The following SNRNP200 variants were observed in gnomAD, a reference collection of about 807,000 sequenced individuals.
SNRNP200 encodes the protein U5 small nuclear ribonucleoprotein 200 kDa helicase.
Under a neutral mutation model 255.2 loss-of-function variants are expected in SNRNP200, and 66 were observed. The observed-to-expected ratio is 0.26, with a 90% CI of 0.21 to 0.32. The LOEUF (loss-of-function observed/expected upper bound fraction) is 0.32, where lower values mean the gene tolerates loss of function less well. SNRNP200 is among the 10% of genes least tolerant of loss of function. The pLI is 1.00. For missense variants in SNRNP200, 1,585 were observed against 2,749.8 expected, an observed-to-expected ratio of 0.58 and a Z score of 9.47; for synonymous variants, 939 against 1,027.8, an observed-to-expected ratio of 0.91 and a Z score of 1.65.
Position 96,285,248 on chromosome 2 carries a change from G to A in SNRNP200, c.4096C>T (p.Arg1366Ter), listed in dbSNP as rs758065773. Residue 1366 changes from arginine (R) to a stop codon, truncating the protein, a stop_gained, in exon 30 of 45, where the codon CGA (arginine) becomes TGA (stop). Transcript: ENST00000323853. LOFTEE classifies it high-confidence loss of function. Reference sequence around the variant, plus strand: ...CCCTCCGAGCTCTGCAGCAGCATTCGCAGGATGGCAAACTCTGCACAAATA... The same window carrying A: ...CCCTCCGAGCTCTGCAGCAGCATTCACAGGATGGCAAACTCTGCACAAATA... ...KTICAEFAIL[R>*]MLLQSSEGRC... The A allele has an allele frequency of 1.2e-6, 2 of 1,614,150 alleles. No individual in the cohort carries two copies. Among genetic ancestry groups the A allele is most frequent in the Non-Finnish European group, 1.7e-6 (2 of 1,180,034 alleles).
At chr2:96,292,462 C>T (rs938495378) in intron 16 of SNRNP200, among the ~76,000 whole-genome samples, 1 of 152,152 alleles carries the variant, frequency 6.6e-6, no homozygotes, top group Admixed American at 6.5e-5. Flanking sequence ...TTGCTCAACT[C>T]GACTTTCAAT....
In SNRNP200 at chr2:96,290,684, C is replaced by T. The variant is rs1279118725; in HGVS notation, c.2553G>A (p.Gln851=). The T allele has an allele frequency of 5.6e-6, 9 of 1,614,112 alleles. No individual in the cohort carries two copies. Among genetic ancestry groups the T allele is most frequent in the Non-Finnish European group, 7.6e-6 (9 of 1,180,054 alleles). ...WTELGALDIL[Q]MLGRAGRPQY... ...AGAATAAACTCAAAAGGCTCTGTAC[C>T]TGCAGAATGTCCAGTGCTCCCAGTT... The change falls in exon 19 of 45, where the codon CAG becomes CAA. Residue 851 remains glutamine (Q), a splice_region_variant and synonymous_variant. Coordinates refer to ENST00000323853, the MANE Select transcript of SNRNP200 (RefSeq NM_014014.5). The surrounding 1 kb of genome is among the most constrained non-coding windows in gnomAD (Gnocchi z 4.5).
chr2:96,303,312 C>G lies in SNRNP200; in HGVS notation c.228G>C (p.Glu76Asp). ...ERRAKRRKRD[E>D]DRHDINKMKG... The stretch of plus-strand genomic sequence containing the variant: ...TCATCTTGTTGATGTCATGCCGGTC[C>G]TCATCACGCTTTCTTCGCCTAATGG... Residue 76 changes from glutamate (E) to aspartate (D), a missense_variant, in exon 3 of 45, where the codon GAG (glutamate) becomes GAC (aspartate). By Grantham distance (45) the Glu-to-Asp change is conservative. This residue lies in a region of SNRNP200 where 383 missense variants were observed against 645.3 expected (regional missense o/e 0.59). Coordinates refer to ENST00000323853, the MANE Select transcript of SNRNP200 (RefSeq NM_014014.5). 2 of 1,614,106 alleles carry G rather than the reference C, an allele frequency of 1.2e-6. No individual in the cohort carries two copies. Among genetic ancestry groups the G allele is most frequent in the Non-Finnish European group, 1.7e-6 (2 of 1,180,026 alleles).
At position 96,277,799 on chromosome 2, in the gene SNRNP200, C is replaced by G. The variant is rs1445414831; in HGVS notation, c.5754+8G>C. ...CACTGACCCCTCTGCCCCACACCCACACTCTACCTTACTAAGGATTTCCTC... is the reference window on the plus strand; with the variant it reads ...CACTGACCCCTCTGCCCCACACCCAGACTCTACCTTACTAAGGATTTCCTC... On this transcript the variant is annotated splice_region_variant and intron_variant, in intron 40 of 44. Coordinates refer to ENST00000323853, the MANE Select transcript of SNRNP200 (RefSeq NM_014014.5). This position sits in a 1 kb window ranked among gnomAD's most constrained non-coding sequence, Gnocchi z 4.4. 1 of 1,614,256 alleles carries G rather than the reference C, an allele frequency of 6.2e-7. No homozygotes were observed. Among genetic ancestry groups the G allele is most frequent in the East Asian group, 2.2e-5 (1 of 44,892 alleles).
chr2:96,294,132 C>CAAAAAAA (rs149859993), intron 14 of SNRNP200, among the ~76,000 whole-genome samples: 1 of 85,262 alleles, frequency 1.2e-5, no homozygotes, highest in African/African-American at 4.7e-5. Flanking sequence ...TGCTCCATCT[C>CAAAAAAA]AAAAAAAAAA....
Position 96,290,932 on chromosome 2 carries a change from G to T in SNRNP200, c.2422-117C>A. 6 of 1,205,384 alleles carry T rather than the reference G, an allele frequency of 5.0e-6. No individual in the cohort carries two copies. The highest frequency in any genetic ancestry group is 7.3e-6 in the Non-Finnish European group (6 of 827,184). The allele number at this position is 1,205,384 out of a possible 1,614,324, so 74.7% of individuals were successfully genotyped here. A position where few individuals can be genotyped will look rare whatever the true frequency, so the allele number is the denominator to read the frequency against. ...CTCTCAGGACTAGCCGGTAGGGCGC[G>T]TGGGGTCCCAGTACTTGTCAATGTG... is the stretch of plus-strand genomic sequence containing the variant. On this transcript the variant is annotated intron_variant, in intron 18 of 44. Transcript: ENST00000323853. This position sits in a 1 kb window ranked among gnomAD's most constrained non-coding sequence, Gnocchi z 4.5.
In SNRNP200 at chr2:96,287,807, C is replaced by T; in HGVS notation, c.3365+56G>A. The T allele has an allele frequency of 6.8e-6, 10 of 1,469,962 alleles. No homozygotes were observed. The highest frequency in any genetic ancestry group is 9.5e-6 in the Non-Finnish European group (10 of 1,048,486). The allele number at this position is 1,469,962 out of a possible 1,614,324, so 91.1% of individuals were successfully genotyped here. ...CACCCTGAGGCTTTCCCATCAGACC[C>T]TTGGGTTGGGGACCCCCACTCATGG... On this transcript the variant is annotated intron_variant, in intron 25 of 44. Coordinates refer to ENST00000323853, the MANE Select transcript of SNRNP200 (RefSeq NM_014014.5). This position sits in a 1 kb window ranked among gnomAD's most constrained non-coding sequence, Gnocchi z 5.7.
chr2:96,277,532 G>A lies in SNRNP200; in HGVS notation c.5931+7C>T, dbSNP rs368161390. 31 of 1,612,264 alleles carry A rather than the reference G, an allele frequency of 1.9e-5. No individual in the cohort carries two copies. Among genetic ancestry groups the A allele is most frequent in the Non-Finnish European group, 1.9e-5 (23 of 1,180,006 alleles). On this transcript the variant is annotated splice_region_variant and intron_variant, in intron 41 of 44. Coordinates refer to ENST00000323853, the MANE Select transcript of SNRNP200 (RefSeq NM_014014.5). This position sits in a 1 kb window ranked among gnomAD's most constrained non-coding sequence, Gnocchi z 4.4. ...CCCACCTGACCCTCTAGGCTGACCCGGCTCACCTTGTCTGTGCAACGTTTG... is the reference window on the plus strand; with the variant it reads ...CCCACCTGACCCTCTAGGCTGACCCAGCTCACCTTGTCTGTGCAACGTTTG...
At position 96,286,356 on chromosome 2, in the gene SNRNP200, G is replaced by C; in HGVS notation, c.3958C>G (p.Leu1320Val). The change falls in exon 29 of 45, where the codon CTT (leucine) becomes GTT (valine). Residue 1320 changes from leucine to valine, a missense_variant. Physicochemically the swap from Leu to Val is conservative, Grantham distance 32. Around this residue, in one of 9 missense-constraint regions of SNRNP200, gnomAD observed 719 missense variants for 1,091.1 expected, o/e 0.66. Coordinates refer to ENST00000323853, the MANE Select transcript of SNRNP200 (RefSeq NM_014014.5). The surrounding 1 kb of genome is among the most constrained non-coding windows in gnomAD (Gnocchi z 4.8). Reference sequence around the variant, plus strand: ...AAGAAAGGAAATTTATCTTGGTAAAGACTCTCAAAGGCACTGTTTCTCAGA... The same window carrying C: ...AAGAAAGGAAATTTATCTTGGTAAACACTCTCAAAGGCACTGTTTCTCAGA... ...SALRNSAFESLYQDKFPFFNP... is the reference protein window; with the variant it reads ...SALRNSAFESVYQDKFPFFNP... 6.2e-7 allele frequency: 1 copy of C among 1,614,188 alleles called. No homozygotes were observed. The highest frequency in any genetic ancestry group is 8.5e-7 in the Non-Finnish European group (1 of 1,180,036).
chr2:96,298,483 A>C (rs1287692419), intron 8 of SNRNP200, 63 bp from the exon 9 acceptor site: 2 of 1,611,566 alleles, frequency 1.2e-6, no homozygotes, highest in Non-Finnish European at 8.5e-7. Flanking sequence ...AACCATCCTC[A>C]GGGTAGAAAG....
At chr2:96,292,419 C>T (rs1300920437) in intron 16 of SNRNP200, among the ~76,000 whole-genome samples, 1 of 152,120 alleles carries the variant, frequency 6.6e-6, no homozygotes, top group Non-Finnish European at 1.5e-5. Flanking sequence ...AATACAAAAC[C>T]AGTCACTTTT....
At chr2:96,304,570 G>A in intron 2 of SNRNP200, 135 bp downstream of exon 2, 1 of 1,208,900 alleles carries the variant, frequency 8.3e-7, no homozygotes, top group Non-Finnish European at 1.2e-6. Context: ...AACTCTCCTG[G>A]TCTGTTTTTA....
chr2:96,276,245 G>GGT (rs1195608707), intron 43 of SNRNP200, among the ~76,000 whole-genome samples: 4 of 152,012 alleles, frequency 2.6e-5, no homozygotes, highest in Non-Finnish European at 5.9e-5. Context: ...TCTTTCTGGT[G>GGT]GTAAAAAACC....
In SNRNP200 at chr2:96,287,259, T is replaced by C. The variant is rs2063849864; in HGVS notation, c.3485-99A>G. 5 of 1,477,242 alleles carry C rather than the reference T, an allele frequency of 3.4e-6. No homozygotes were observed. The Admixed American group carries it at 5.0e-5, about 15-fold the overall frequency. The allele number at this position is 1,477,242 out of a possible 1,614,324, so 91.5% of individuals were successfully genotyped here. A position where few individuals can be genotyped will look rare whatever the true frequency, so the allele number is the denominator to read the frequency against. On this transcript the variant is annotated intron_variant, in intron 26 of 44. Coordinates refer to ENST00000323853, the MANE Select transcript of SNRNP200 (RefSeq NM_014014.5). This position sits in a 1 kb window ranked among gnomAD's most constrained non-coding sequence, Gnocchi z 5.7. ...TGTGGGAAAGGGGTAGGGTCTTCCC[T>C]TTATGGTCAGTGGAGCCCAGGATTC...
chr2:96,303,648 G>A (rs1357245680), intron 2 of SNRNP200, among the ~76,000 whole-genome samples: 2 of 152,114 alleles, frequency 1.3e-5, no homozygotes, highest in Non-Finnish European at 2.9e-5. Flanking sequence ...CCAACATTTT[G>A]GGAGGCCAAG....
chr2:96,288,926 A>T, intron 23 of SNRNP200, 111 bp downstream of exon 23: 1 of 1,108,376 alleles, frequency 9.0e-7, no homozygotes. Context: ...AAAAACTAGG[A>T]GAACTGAGCA....
At position 96,283,422 on chromosome 2, in the gene SNRNP200, G is replaced by A; in HGVS notation, c.4764-70C>T. The A allele has an allele frequency of 1.9e-6, 3 of 1,612,756 alleles. No homozygotes were observed. The highest frequency in any genetic ancestry group is 2.5e-6 in the Non-Finnish European group (3 of 1,179,084). Reference sequence around the variant, plus strand: ...TGGCAGACACTTTGCCAGCTGTGCAGAACCTGGCCCCAAGCAACATGGGCT... The same window carrying A: ...TGGCAGACACTTTGCCAGCTGTGCAAAACCTGGCCCCAAGCAACATGGGCT... On this transcript the variant is annotated intron_variant, in intron 33 of 44. Coordinates refer to ENST00000323853, the MANE Select transcript of SNRNP200 (RefSeq NM_014014.5). This position sits in a 1 kb window ranked among gnomAD's most constrained non-coding sequence, Gnocchi z 4.7.
chr2:96,278,185 C>T lies in SNRNP200; in HGVS notation c.5610+52G>A. On this transcript the variant is annotated intron_variant, in intron 39 of 44. Transcript: ENST00000323853. This position sits in a 1 kb window ranked among gnomAD's most constrained non-coding sequence, Gnocchi z 6.9. ...AGGGATGCCATGTGCTCTGGGCACA[C>T]AGGCCGAGTTTGTTGTTCCCAGGAT... 1 of 1,613,696 alleles carries T rather than the reference C, an allele frequency of 6.2e-7. No individual in the cohort carries two copies. Among genetic ancestry groups the T allele is most frequent in the Admixed American group, 1.7e-5 (1 of 60,020 alleles).
In SNRNP200 at chr2:96,290,198, C is replaced by G. The variant is rs1037967510; in HGVS notation, c.2742+128G>C. The G allele has an allele frequency of 7.0e-6, 8 of 1,141,812 alleles. No individual in the cohort carries two copies. 70.7% of individuals were successfully genotyped at this position (1,141,812 alleles called of 1,614,324 possible). ...AACAAGGGGAACTATCTGCCAGACC[C>G]AAGATGTGGGTGCAGGGATGGAAGG... On this transcript the variant is annotated intron_variant, in intron 20 of 44. Coordinates refer to ENST00000323853, the MANE Select transcript of SNRNP200 (RefSeq NM_014014.5). This position sits in a 1 kb window ranked among gnomAD's most constrained non-coding sequence, Gnocchi z 4.5.
Sources: gnomAD v4.1 joint callset for allele counts (sites outside exome capture counted in the v4.1 genomes callset) on GRCh38, gnomAD v4.1.1 for gene constraint, gnomAD v4.1.1 regional missense constraint, Gnocchi (gnomAD v3.1) non-coding constraint, MANE v1.5 for transcripts, NCBI Gene and HGNC (gene_info 2026-07-23, HGNC 2026-07-21) for gene names.